Variants in ATG10 observed in about 807,000 individuals in gnomAD.
ATG10 encodes ubiquitin-like-conjugating enzyme ATG10.
A neutral mutation model predicts 32.1 loss-of-function variants in ATG10; 30 were observed. That is an observed-to-expected ratio of 0.94 (90% CI 0.70 to 1.27). The LOEUF (loss-of-function observed/expected upper bound fraction) is 1.27, where lower values mean the gene tolerates loss of function less well. ATG10 is among the 50% of genes most tolerant of loss of function. The pLI, the probability that ATG10 is intolerant of heterozygous loss-of-function variation, is 0.00. For synonymous variants in ATG10, 87 were observed against 91.5 expected (o/e 0.95, Z 0.28); for missense variants, 233 against 262.3 (o/e 0.89, Z 0.77).
At chr5:82,181,146 C>T (rs891983470) in intron 5 of ATG10, among the ~76,000 whole-genome samples, 3 of 152,082 alleles carry the variant, frequency 2.0e-5, no homozygotes, top group Non-Finnish European at 2.9e-5. Context: ...ATTTCTAACA[C>T]TAAGGCTGGG....
chr5:82,054,600 A>G (rs1359323566), intron 2 of ATG10, among the ~76,000 whole-genome samples: 1 of 152,158 alleles, frequency 6.6e-6, no homozygotes, highest in East Asian at 1.9e-4. Flanking sequence ...GCCTCCAACT[A>G]ATTAGTGTAA....
intron 5 of ATG10, among the ~76,000 whole-genome samples, chr5:82,236,916 C>T (rs1746576662): frequency 6.6e-6 from 1 of 152,026 alleles, no homozygotes; most frequent in South Asian, 2.1e-4. Flanking sequence ...TTTTTCTTAA[C>T]ATTTTCTCAC....
chr5:82,179,463 AAAG>A (rs1197818677), intron 5 of ATG10, among the ~76,000 whole-genome samples: 30 of 152,288 alleles, frequency 2.0e-4, no homozygotes, highest in African/African-American at 7.0e-4. Flanking sequence ...CATTTGCAAA[AAAG>A]AAGAGCTTTT....
chr5:82,215,451 G>A (rs560745789), intron 5 of ATG10, among the ~76,000 whole-genome samples: 60 of 152,220 alleles, frequency 3.9e-4, no homozygotes, highest in African/African-American at 1.3e-3. Context: ...TTATTGAACC[G>A]TTTTAGAAAG....
chr5:82,094,735 A>G (rs1448555165), intron 3 of ATG10, among the ~76,000 whole-genome samples: 1 of 152,136 alleles, frequency 6.6e-6, no homozygotes, highest in African/African-American at 2.4e-5. Context: ...TCCTAAAATA[A>G]TTACCTTTGC....
At chr5:82,043,790 A>G (rs1028391459) in intron 2 of ATG10, among the ~76,000 whole-genome samples, 5 of 152,170 alleles carry the variant, frequency 3.3e-5, no homozygotes, top group Admixed American at 6.5e-5. Context: ...TCTGGTTCCC[A>G]GTAAGTACCT....
intron 5 of ATG10, among the ~76,000 whole-genome samples, chr5:82,211,406 T>G (rs750248688): frequency 3.3e-5 from 5 of 152,178 alleles, no homozygotes; most frequent in Admixed American, 1.3e-4. Flanking sequence ...CACGCCTGGG[T>G]ACTTATATGT....
chr5:82,166,266 C>G (rs890780897), intron 4 of ATG10, among the ~76,000 whole-genome samples: 7 of 152,102 alleles, frequency 4.6e-5, no homozygotes, highest in Non-Finnish European at 8.8e-5. Flanking sequence ...TTTACAATGC[C>G]CTCCATTTAT....
intron 5 of ATG10, among the ~76,000 whole-genome samples, chr5:82,227,171 C>T (rs1393789972): frequency 1.3e-5 from 2 of 151,936 alleles, no homozygotes; most frequent in Non-Finnish European, 2.9e-5. Flanking sequence ...TGAGAAGGCA[C>T]CTGTGGTTGA....
intron 3 of ATG10, among the ~76,000 whole-genome samples, chr5:82,106,803 G>C (rs1561301492): frequency 6.6e-6 from 1 of 151,102 alleles, no homozygotes; most frequent in Non-Finnish European, 1.5e-5. Context: ...CCCCTTCTAT[G>C]AGCAAGCAGA....
chr5:82,103,293 A>T (rs1369654541), intron 3 of ATG10, among the ~76,000 whole-genome samples: 1 of 152,208 alleles, frequency 6.6e-6, no homozygotes, highest in Non-Finnish European at 1.5e-5. Context: ...TTATGACAGT[A>T]TCTGATACAC....
At chr5:81,997,360 G>A (rs2149679792) in intron 2 of ATG10, among the ~76,000 whole-genome samples, 1 of 152,286 alleles carries the variant, frequency 6.6e-6, no homozygotes, top group South Asian at 2.1e-4. Context: ...CAGAATTAGA[G>A]CACACAGCTC....
chr5:82,135,738 C>T (rs1279573063), intron 3 of ATG10, among the ~76,000 whole-genome samples: 1 of 152,200 alleles, frequency 6.6e-6, no homozygotes, highest in Non-Finnish European at 1.5e-5. Context: ...ATTAGGTCCA[C>T]TTGGTCCAGA....
chr5:82,243,705 CTG>C (rs1480644880), intron 5 of ATG10, among the ~76,000 whole-genome samples: 2 of 152,008 alleles, frequency 1.3e-5, no homozygotes, highest in African/African-American at 2.4e-5. Flanking sequence ...GACAAATCAA[CTG>C]TTATAGGGGA....
chr5:82,134,979 C>A (rs1225440860), intron 3 of ATG10, among the ~76,000 whole-genome samples: 1 of 147,818 alleles, frequency 6.8e-6, no homozygotes, highest in Non-Finnish European at 1.5e-5. Context: ...AGGAAATTAT[C>A]CATTTCTTCT....
intron 3 of ATG10, among the ~76,000 whole-genome samples, chr5:82,121,941 G>GTTTTTTTTT (rs77349086): frequency 5.5e-4 from 66 of 120,976 alleles, no homozygotes; most frequent in African/African-American, 8.9e-4. Flanking sequence ...TTGGCCTGAA[G>GTTTTTTTTT]TTTTTTTTTT....
At chr5:82,198,309 C>T (rs1021005521) in intron 5 of ATG10, among the ~76,000 whole-genome samples, 3 of 152,140 alleles carry the variant, frequency 2.0e-5, no homozygotes, top group Admixed American at 6.5e-5. Context: ...GGCTGGAGTA[C>T]GGTGACAGGA....
intron 1 of ATG10, among the ~76,000 whole-genome samples, chr5:81,975,969 A>G (rs1315404782): frequency 1.3e-5 from 2 of 151,484 alleles, no homozygotes. Context: ...TATACTGTGA[A>G]TGTTGTAGAG....
chr5:81,985,812 T>G (rs1295015239), intron 1 of ATG10, among the ~76,000 whole-genome samples: 2 of 152,164 alleles, frequency 1.3e-5, no homozygotes, highest in Admixed American at 6.5e-5. Context: ...GCCCAGGCTG[T>G]AGTGCAGTGG....
Sources: allele counts gnomAD v4.1 joint callset (sites outside exome capture counted in the v4.1 genomes callset), GRCh38; gene constraint gnomAD v4.1.1; transcripts MANE v1.5; gene names NCBI Gene and HGNC (gene_info 2026-07-23, HGNC 2026-07-21).